CNOT2: variants seen among roughly 807,000 people sequenced by gnomAD.
CNOT2 encodes the protein CCR4-NOT transcription complex subunit 2.
Under a neutral mutation model 72.1 loss-of-function variants are expected in CNOT2, and 7 were observed. The ratio of observed to expected loss-of-function variants is 0.10; its 90% CI spans 0.06 to 0.18. The LOEUF (loss-of-function observed/expected upper bound fraction) is 0.18, where lower values mean the gene tolerates loss of function less well. Ranked by LOEUF, CNOT2 falls within the 10% of genes least tolerant of loss-of-function variation. The pLI, the probability that CNOT2 is intolerant of heterozygous loss-of-function variation, is 1.00. For missense variants in CNOT2, 345 were observed against 660.3 expected, an observed-to-expected ratio of 0.52 and a Z score of 5.23; for synonymous variants, 196 against 225.6, an observed-to-expected ratio of 0.87 and a Z score of 1.17.
At chr12:70,318,710 A>C (rs1407551393) in intron 3 of CNOT2, among the ~76,000 whole-genome samples, 1 of 151,860 alleles carries the variant, frequency 6.6e-6, no homozygotes, top group African/African-American at 2.4e-5. Flanking sequence ...GACATGGCTC[A>C]TGTCTTATTT....
chr12:70,338,323 G>C, intron 9 of CNOT2, 120 bp from the exon 10 acceptor site: 1 of 804,634 alleles, frequency 1.2e-6, no homozygotes, highest in Non-Finnish European at 1.9e-6. Flanking sequence ...TTGAAAAACA[G>C]GTAATAATTT....
chr12:70,349,531 A>G (rs1298546966), intron 15 of CNOT2, among the ~76,000 whole-genome samples: 2 of 152,154 alleles, frequency 1.3e-5, no homozygotes, highest in Non-Finnish European at 2.9e-5. Context: ...AATATTTTGT[A>G]TGAGCATTTT....
chr12:70,252,866 G>A (rs1333082820), intron 1 of CNOT2, among the ~76,000 whole-genome samples: 1 of 152,122 alleles, frequency 6.6e-6, no homozygotes, highest in Non-Finnish European at 1.5e-5. Flanking sequence ...TTTTTTGTTC[G>A]TGTTCGTTTT....
rs1880882650 is a variant in CNOT2, at chr12:70,337,622, A to G, written c.900+109A>G. ...TATTACAAAACTGTTTTATCTTGATATCTGTAATAACCTAACTTCTGAAGA... is the reference window on the plus strand; with the variant it reads ...TATTACAAAACTGTTTTATCTTGATGTCTGTAATAACCTAACTTCTGAAGA... On this transcript the variant is annotated intron_variant, in intron 9 of 15. Transcript: ENST00000229195. 4 of 1,062,984 alleles carry G rather than the reference A, an allele frequency of 3.8e-6. No individual in the cohort carries two copies. In the East Asian group the frequency reaches 1.0e-4, roughly 27 times the overall value. The allele number at this position is 1,062,984 out of a possible 1,614,324, so 65.8% of individuals were successfully genotyped here.
In CNOT2 at chr12:70,310,893, A is replaced by C. The variant is rs1238639126; in HGVS notation, c.49-2A>C. 2 of 1,610,366 alleles carry C rather than the reference A, an allele frequency of 1.2e-6. No individual in the cohort carries two copies. The highest frequency in any genetic ancestry group is 1.7e-6 in the Non-Finnish European group (2 of 1,177,790). ...CCTGATAAAAGTAATATTTTTGTTT[A>C]GGTGACAAACAGCATGTTTGGTGCT... On this transcript the variant is annotated splice_acceptor_variant, in intron 2 of 15. Coordinates refer to ENST00000229195, the MANE Select transcript of CNOT2 (RefSeq NM_014515.7). LOFTEE classifies it high-confidence loss of function.
At chr12:70,340,612 T>C (rs548266355) in intron 11 of CNOT2, among the ~76,000 whole-genome samples, 22 of 152,086 alleles carry the variant, frequency 1.4e-4, no homozygotes, top group South Asian at 6.2e-4. Flanking sequence ...TATTCTTAAC[T>C]CCTCTTTCTT....
At chr12:70,264,001 T>TTATA (rs957209349) in intron 1 of CNOT2, among the ~76,000 whole-genome samples, 2 of 152,220 alleles carry the variant, frequency 1.3e-5, no homozygotes, top group South Asian at 4.1e-4. Context: ...TCTTTTTCAC[T>TTATA]TATATATATC....
intron 4 of CNOT2, chr12:70,322,783 T>TACA (rs1321606460): frequency 6.6e-6 from 1 of 151,728 alleles, no homozygotes; most frequent in Non-Finnish European, 1.5e-5. Flanking sequence ...GTGGGGTGGT[T>TACA]CAGAAGTGAT....
At chr12:70,332,974 A>G in intron 7 of CNOT2, 128 bp downstream of exon 7, 2 of 1,305,698 alleles carry the variant, frequency 1.5e-6, no homozygotes. Flanking sequence ...ATTTTAATTC[A>G]GTGAAAAATA....
chr12:70,328,142 A>T (rs1363860414), intron 4 of CNOT2, among the ~76,000 whole-genome samples: 1 of 151,914 alleles, frequency 6.6e-6, no homozygotes, highest in Non-Finnish European at 1.5e-5. Context: ...TACATGGAAT[A>T]TATTAGTTAT....
intron 11 of CNOT2, 35 bp downstream of exon 11, chr12:70,338,857 A>G: frequency 1.9e-6 from 3 of 1,556,938 alleles, no homozygotes; most frequent in Non-Finnish European, 2.6e-6. Flanking sequence ...TCTGTATATA[A>G]TACCTCTTCA....
intron 2 of CNOT2, among the ~76,000 whole-genome samples, chr12:70,288,030 T>C (rs1475291770): frequency 2.7e-5 from 4 of 149,756 alleles, no homozygotes; most frequent in African/African-American, 9.7e-5. Flanking sequence ...TGGCTATAAA[T>C]TTTCAGAGCA....
At chr12:70,246,770 T>TA (rs1957894212) in intron 1 of CNOT2, among the ~76,000 whole-genome samples, 2 of 152,210 alleles carry the variant, frequency 1.3e-5, no homozygotes, top group Admixed American at 1.3e-4. Context: ...ATTCAACTCT[T>TA]ATGACTAATC....
At chr12:70,296,529 T>C (rs1259697761) in intron 2 of CNOT2, among the ~76,000 whole-genome samples, 1 of 152,176 alleles carries the variant, frequency 6.6e-6, no homozygotes, top group Non-Finnish European at 1.5e-5. Context: ...TATCTATATC[T>C]TCACTTTTCT....
At chr12:70,326,509 A>G (rs1173421154) in intron 4 of CNOT2, among the ~76,000 whole-genome samples, 5 of 147,838 alleles carry the variant, frequency 3.4e-5, no homozygotes, top group Admixed American at 6.8e-5. Context: ...TATTTTAGAG[A>G]TGATTTTTCT....
chr12:70,335,724 G>A lies in CNOT2; in HGVS notation c.775+161G>A, dbSNP rs1880591220. 4 of 470,392 alleles carry A rather than the reference G, an allele frequency of 8.5e-6. No homozygotes were observed. In the East Asian group the frequency reaches 1.4e-4, roughly 16 times the overall value. 29.1% of individuals were successfully genotyped at this position (470,392 alleles called of 1,614,324 possible). On this transcript the variant is annotated intron_variant, in intron 8 of 15. Transcript: ENST00000229195. ...TTTTTTCAGAATTGATATATTAGAAGTGATTTTTCTTCCCAGAATACCATG... is the reference window on the plus strand; with the variant it reads ...TTTTTTCAGAATTGATATATTAGAAATGATTTTTCTTCCCAGAATACCATG...
chr12:70,338,769 T>A lies in CNOT2; in HGVS notation c.1125T>A (p.His375Gln). The change falls in exon 11 of 16, where the codon CAT (histidine) becomes CAA (glutamine). Residue 375 changes from histidine (H) to glutamine (Q), a missense_variant. Coordinates refer to ENST00000229195, the MANE Select transcript of CNOT2 (RefSeq NM_014515.7). ...CAGAGACAGACCCAGGAATGGTACATCTTGCATTAGGAAGTGACTTAACAA... is the reference window on the plus strand; with the variant it reads ...CAGAGACAGACCCAGGAATGGTACAACTTGCATTAGGAAGTGACTTAACAA... ...RAAETDPGMVHLALGSDLTTL... is the reference protein window; with the variant it reads ...RAAETDPGMVQLALGSDLTTL... 1 of 1,613,600 alleles carries A rather than the reference T, an allele frequency of 6.2e-7. No individual in the cohort carries two copies. Among genetic ancestry groups the A allele is most frequent in the Non-Finnish European group, 8.5e-7 (1 of 1,179,688 alleles).
At chr12:70,257,270 G>A (rs1958501594) in intron 1 of CNOT2, among the ~76,000 whole-genome samples, 1 of 151,656 alleles carries the variant, frequency 6.6e-6, no homozygotes, top group African/African-American at 2.4e-5. Flanking sequence ...GAGGTTAGAA[G>A]GAGTAAATGA....
At chr12:70,277,987 C>A (rs955912459) in intron 1 of CNOT2, 145 bp from the exon 2 acceptor site, 1 of 394,676 alleles carries the variant, frequency 2.5e-6, no homozygotes, top group Non-Finnish European at 4.5e-6. Flanking sequence ...CAGTCTAGCC[C>A]GCGAAAATGG....
Sources: gnomAD v4.1 joint callset for allele counts (sites outside exome capture counted in the v4.1 genomes callset) on GRCh38, gnomAD v4.1.1 for gene constraint, MANE v1.5 for transcripts, NCBI Gene and HGNC (gene_info 2026-07-23, HGNC 2026-07-21) for gene names.